The following RYR1 variants were observed in gnomAD, a reference collection of about 807,000 sequenced individuals.
RYR1 encodes the protein ryanodine receptor 1.
A neutral mutation model predicts 583.5 loss-of-function variants in RYR1; 342 were observed. That is an observed-to-expected ratio of 0.59 (90% CI 0.54 to 0.64). The LOEUF is 0.64. RYR1 is among the 30% of genes least tolerant of loss of function. The pLI, the probability that RYR1 is intolerant of heterozygous loss-of-function variation, is 0.00. For synonymous variants in RYR1, 2,791 were observed against 2,822.5 expected, an observed-to-expected ratio of 0.99 and a Z score of 0.35; for missense variants, 6,032 against 6,917.2, an observed-to-expected ratio of 0.87 and a Z score of 4.54.
chr19:38,486,508 T>G (rs1969306736), intron 34 of RYR1, among the ~76,000 whole-genome samples: 1 of 152,126 alleles, frequency 6.6e-6, no homozygotes, highest in Non-Finnish European at 1.5e-5. Context: ...CACGCCCCGC[T>G]AATATTTGTA....
chr19:38,445,222 CAAAAA>C (rs61419525), intron 7 of RYR1, among the ~76,000 whole-genome samples: 85 of 48,178 alleles, frequency 1.8e-3, no homozygotes, highest in East Asian at 5.7e-3. Flanking sequence ...GACTCTGCCT[CAAAAA>C]AAAAAAAAAA....
Position 38,535,577 on chromosome 19 carries a change from A to G in RYR1, c.11516+185A>G, listed in dbSNP as rs1391748189. ...AGAACAATAAGGGAGGCAAAATGTCATAGACTTGAAGAATGAGTTGCATTA... is the reference window on the plus strand; with the variant it reads ...AGAACAATAAGGGAGGCAAAATGTCGTAGACTTGAAGAATGAGTTGCATTA... On this transcript the variant is annotated intron_variant, in intron 81 of 105. Coordinates refer to ENST00000359596, the MANE Select transcript of RYR1 (RefSeq NM_000540.3). 38 of 663,190 alleles carry G rather than the reference A, an allele frequency of 5.7e-5. No individual in the cohort carries two copies. In the Admixed American group the frequency reaches 7.7e-4, roughly 13 times the overall value. The allele number at this position is 663,190 out of a possible 1,614,324, so 41.1% of individuals were successfully genotyped here.
chr19:38,493,517 T>G (rs1969654233), intron 38 of RYR1, among the ~76,000 whole-genome samples: 1 of 93,960 alleles, frequency 1.1e-5, no homozygotes, highest in Admixed American at 9.0e-5. Flanking sequence ...TTCTTTTTCG[T>G]TTTTTTTTTT....
At chr19:38,477,506 A>G (rs562266648) in intron 29 of RYR1, among the ~76,000 whole-genome samples, 56 of 152,314 alleles carry the variant, frequency 3.7e-4, no homozygotes, top group African/African-American at 1.3e-3. Flanking sequence ...ACTGTCACAC[A>G]ATATTCCCAA....
Position 38,511,596 on chromosome 19 carries a change from G to A in RYR1, c.9158G>A (p.Arg3053Gln), listed in dbSNP as rs777122918. Residue 3053 changes from arginine (R) to glutamine (Q), a missense_variant, in exon 61 of 106, where the codon CGA becomes CAA. This residue lies in a region of RYR1 where 1,493 missense variants were observed against 1,715.5 expected (regional missense o/e 0.87). Transcript: ENST00000359596. ...FCKLAALVRHRVSLFGTDAPA... is the reference protein window; with the variant it reads ...FCKLAALVRHQVSLFGTDAPA... ...AAACTTGCTGCTCTCGTCCGCCACCGAGTCTCTCTCTTTGGTAAGTGGCTC... is the reference window on the plus strand; with the variant it reads ...AAACTTGCTGCTCTCGTCCGCCACCAAGTCTCTCTCTTTGGTAAGTGGCTC... 18 of 1,613,812 alleles carry A rather than the reference G, an allele frequency of 1.1e-5. No homozygotes were observed. Among genetic ancestry groups the A allele is most frequent in the East Asian group, 6.7e-5 (3 of 44,896 alleles).
chr19:38,530,167 T>A (rs1238756349), intron 76 of RYR1, among the ~76,000 whole-genome samples: 1 of 152,148 alleles, frequency 6.6e-6, no homozygotes, highest in Non-Finnish European at 1.5e-5. Flanking sequence ...TTGGCCATGC[T>A]TGTCTCAAAC....
In RYR1 at chr19:38,565,764, A is replaced by G; in HGVS notation, c.13430A>G (p.Lys4477Arg). 1 of 1,403,332 alleles carries G rather than the reference A, an allele frequency of 7.1e-7. No homozygotes were observed. Among genetic ancestry groups the G allele is most frequent in the Non-Finnish European group, 9.2e-7 (1 of 1,087,200 alleles). The allele number at this position is 1,403,332 out of a possible 1,614,324, so 86.9% of individuals were successfully genotyped here. The change falls in exon 91 of 106, where the codon AAA becomes AGA. Residue 4477 changes from lysine to arginine, a missense_variant. Lys to Arg is a conservative substitution (Grantham distance 26). Around this residue, in one of 11 missense-constraint regions of RYR1, gnomAD observed 753 missense variants for 759.6 expected, o/e 0.99. Coordinates refer to ENST00000359596, the MANE Select transcript of RYR1 (RefSeq NM_000540.3). This position sits in a 1 kb window ranked among gnomAD's most constrained non-coding sequence, Gnocchi z 4.7. ...GAGGGCTCTCCCATCCTCAAGAGGAAATTGGGGGTGAGAGAGCAGGCGGGG... is the reference window on the plus strand; with the variant it reads ...GAGGGCTCTCCCATCCTCAAGAGGAGATTGGGGGTGAGAGAGCAGGCGGGG... ...TPEGSPILKRKLGVDGVEEEL... is the reference protein window; with the variant it reads ...TPEGSPILKRRLGVDGVEEEL...
In RYR1 at chr19:38,548,240, G is replaced by A; in HGVS notation, c.12102G>A (p.Val4034=). ...VMLLSLLEGN[V]VNGMIARQMV... is the part of the protein sequence containing the mutation. ...ACCTGGGGCTGCCTGCAGGGAACGT[G>A]GTGAACGGCATGATCGCCCGGCAGA... The change falls in exon 89 of 106, where the codon GTG becomes GTA. Residue 4034 remains valine (V), a synonymous_variant. Coordinates refer to ENST00000359596, the MANE Select transcript of RYR1 (RefSeq NM_000540.3). 6.2e-7 allele frequency: 1 copy of A among 1,614,198 alleles called. No homozygotes were observed. The highest frequency in any genetic ancestry group is 8.5e-7 in the Non-Finnish European group (1 of 1,180,030).
At chr19:38,553,901 G>A (rs866380243) in intron 89 of RYR1, among the ~76,000 whole-genome samples, 7 of 152,106 alleles carry the variant, frequency 4.6e-5, no homozygotes, top group South Asian at 2.1e-4. Context: ...AGGAAGTGTC[G>A]TCATTCTTTT....
Position 38,468,020 on chromosome 19 carries a change from A to T in RYR1, c.3381+208A>T. ...TATCAGACATCCATCTATCCAACCAACAATTCATCCATCCATCCATCCATC... is the reference window on the plus strand; with the variant it reads ...TATCAGACATCCATCTATCCAACCATCAATTCATCCATCCATCCATCCATC... On this transcript the variant is annotated intron_variant, in intron 25 of 105. Transcript: ENST00000359596. The T allele has an allele frequency of 3.3e-6, 2 of 598,064 alleles. 1 individual carries two copies. Among genetic ancestry groups the T allele is most frequent in the South Asian group, 3.9e-5 (2 of 51,610 alleles). The allele number at this position is 598,064 out of a possible 1,614,324, so 37.0% of individuals were successfully genotyped here.
rs761045773 is a variant in RYR1, at chr19:38,464,696, C to T, written c.2844C>T (p.Asn948=). The part of the protein sequence containing the change: ...VGMADEKAED[N]LKKTKLPKTY... ...TGGCGGATGAGAAGGCGGAGGACAA[C>T]CTGAAGAAGACAAAACTCCCCAAGA... is the stretch of plus-strand genomic sequence containing the variant. The change falls in exon 23 of 106, where the codon AAC becomes AAT. Residue 948 remains asparagine, a synonymous_variant. Transcript: ENST00000359596. 4.5e-5 allele frequency: 72 copies of T among 1,591,190 alleles called. No individual in the cohort carries two copies. The highest frequency in any genetic ancestry group is 1.1e-4 in the Admixed American group (6 of 56,154).
chr19:38,550,724 G>A (rs1043978716), intron 89 of RYR1, among the ~76,000 whole-genome samples: 2 of 151,926 alleles, frequency 1.3e-5, no homozygotes, highest in East Asian at 1.9e-4. Context: ...TGGTTAACTC[G>A]GTGTTCACCA....
intron 58 of RYR1, 87 bp from the exon 59 acceptor site, chr19:38,510,411 A>T: frequency 7.4e-7 from 1 of 1,358,104 alleles, no homozygotes; most frequent in Non-Finnish European, 1.1e-6. Flanking sequence ...ATCATTTCCC[A>T]ACTCTGCTCC....
At position 38,528,293 on chromosome 19, in the gene RYR1, A is replaced by G. The variant is rs752927986; in HGVS notation, c.10825-13A>G. Reference sequence around the variant, plus strand: ...GGTCTGGGGATGTGACTGTCCTGCTATCCCCTCCCCAGACCGAGCACCCTT... The same window carrying G: ...GGTCTGGGGATGTGACTGTCCTGCTGTCCCCTCCCCAGACCGAGCACCCTT... On this transcript the variant is annotated splice_polypyrimidine_tract_variant and intron_variant, in intron 73 of 105. Coordinates refer to ENST00000359596, the MANE Select transcript of RYR1 (RefSeq NM_000540.3). 5 of 1,609,482 alleles carry G rather than the reference A, an allele frequency of 3.1e-6. No homozygotes were observed. Among genetic ancestry groups the G allele is most frequent in the East Asian group, 2.2e-5 (1 of 44,832 alleles).
intron 24 of RYR1, 101 bp downstream of exon 24, chr19:38,466,499 ATCTT>A: frequency 1.1e-6 from 1 of 875,030 alleles, no homozygotes; most frequent in Non-Finnish European, 1.7e-6. Flanking sequence ...AATGGGCTAT[ATCTT>A]TTTTTTTTTT....
In RYR1 at chr19:38,528,397, C is replaced by T. The variant is rs369390137; in HGVS notation, c.10916C>T (p.Thr3639Met). 13 of 1,614,046 alleles carry T rather than the reference C, an allele frequency of 8.1e-6. No homozygotes were observed. Among genetic ancestry groups the T allele is most frequent in the Admixed American group, 1.7e-5 (1 of 60,000 alleles). Residue 3639 changes from threonine (T) to methionine (M), a missense_variant, in exon 74 of 106, where the codon ACG becomes ATG. Physicochemically the swap from Thr to Met is moderately conservative, Grantham distance 81. Around this residue, in one of 11 missense-constraint regions of RYR1, gnomAD observed 1,493 missense variants for 1,715.5 expected, o/e 0.87. Coordinates refer to ENST00000359596, the MANE Select transcript of RYR1 (RefSeq NM_000540.3). ...GCAGTCGTGGCCTGTTTCCGTATGA[C>T]GCCCCTGTACAACCTGCCCACGTAA... is the stretch of plus-strand genomic sequence containing the variant. ...RRAVVACFRM[T>M]PLYNLPTHRA...
rs2229149 is a variant in RYR1, at chr19:38,586,570, G to T, written c.15015G>T (p.Thr5005=). 3 of 1,614,134 alleles carry T rather than the reference G, an allele frequency of 1.9e-6. No homozygotes were observed. The highest frequency in any genetic ancestry group is 2.5e-6 in the Non-Finnish European group (3 of 1,179,980). Residue 5005 remains threonine, a synonymous_variant, in exon 105 of 106, where the codon ACG becomes ACT. Transcript: ENST00000359596. ...YLINKDETEH[T]GQESYVWKMY... ...TAAACAAGGATGAGACAGAACACAC[G>T]GGTCAGGTAAGGGGGTGTTAATGGG...
In RYR1 at chr19:38,500,678, C is replaced by G; in HGVS notation, c.7396C>G (p.Leu2466Val). The G allele has an allele frequency of 6.2e-7, 1 of 1,614,128 alleles. No individual in the cohort carries two copies. Among genetic ancestry groups the G allele is most frequent in the Non-Finnish European group, 8.5e-7 (1 of 1,180,030 alleles). Residue 2466 changes from leucine (L) to valine (V), a missense_variant, in exon 46 of 106, where the codon CTT (leucine) becomes GTT (valine). Coordinates refer to ENST00000359596, the MANE Select transcript of RYR1 (RefSeq NM_000540.3). The surrounding 1 kb of genome is among the most constrained non-coding windows in gnomAD (Gnocchi z 5.9). ...CCGCTCCCTTGTGCCCTTGGAGGACCTTGTGGGCATCATCAGCCTCCCACT... is the reference window on the plus strand; with the variant it reads ...CCGCTCCCTTGTGCCCTTGGAGGACGTTGTGGGCATCATCAGCCTCCCACT... The part of the protein sequence containing the change: ...ILRSLVPLED[L>V]VGIISLPLQI...
At position 38,523,914 on chromosome 19, in the gene RYR1, G is replaced by A. The variant is rs574046216; in HGVS notation, c.10441-1G>A. ...TCTCTGTCTGCGGTCCGGTGAAGCAGGCGGGAGATATACAGGTCAGCCCCA... is the reference window on the plus strand; with the variant it reads ...TCTCTGTCTGCGGTCCGGTGAAGCAAGCGGGAGATATACAGGTCAGCCCCA... On this transcript the variant is annotated splice_acceptor_variant, in intron 69 of 105. Transcript: ENST00000359596. LOFTEE classifies it high-confidence loss of function. 6.2e-7 allele frequency: 1 copy of A among 1,614,000 alleles called. No individual in the cohort carries two copies. The highest frequency in any genetic ancestry group is 1.1e-5 in the South Asian group (1 of 91,070).
Sources: gnomAD v4.1 joint callset for allele counts (sites outside exome capture counted in the v4.1 genomes callset) on GRCh38, gnomAD v4.1.1 for gene constraint, gnomAD v4.1.1 regional missense constraint, Gnocchi (gnomAD v3.1) non-coding constraint, MANE v1.5 for transcripts, NCBI Gene and HGNC (gene_info 2026-07-23, HGNC 2026-07-21) for gene names.